MACROD1: variants seen among roughly 807,000 people sequenced by gnomAD.
MACROD1 encodes the protein ADP-ribose glycohydrolase MACROD1.
A neutral mutation model predicts 41.4 loss-of-function variants in MACROD1; 31 were observed. The observed-to-expected ratio is 0.75, with a 90% CI of 0.56 to 1.01. The LOEUF is 1.01. MACROD1 is among the 50% of genes least tolerant of loss of function. MACROD1 has a pLI of 0.00. For synonymous variants in MACROD1, 252 were observed against 203.4 expected, an observed-to-expected ratio of 1.24 and a Z score of -2.03; for missense variants, 473 against 460.0, an observed-to-expected ratio of 1.03 and a Z score of -0.26.
At chr11:64,048,189 A>G (rs1943621690) in intron 3 of MACROD1, among the ~76,000 whole-genome samples, 1 of 152,218 alleles carries the variant, frequency 6.6e-6, no homozygotes, top group Non-Finnish European at 1.5e-5. Flanking sequence ...TCAGACAGAC[A>G]GGGCTTGTGA....
At position 64,064,635 on chromosome 11, in the gene MACROD1, G is replaced by A. The variant is rs1230162946; in HGVS notation, c.518-49354C>T. Among the ~76,000 whole-genome samples, 9 of 151,144 alleles carry A rather than the reference G, an allele frequency of 6.0e-5. No individual in the cohort carries two copies. Reference sequence around the variant, plus strand: ...AATGTATCCTGACAGCATTGGAACAGGATGCAGAGTAGGGGCCTCTGGCAG... The same window carrying A: ...AATGTATCCTGACAGCATTGGAACAAGATGCAGAGTAGGGGCCTCTGGCAG... On this transcript the variant is annotated intron_variant, in intron 3 of 10. Coordinates refer to ENST00000255681, the MANE Select transcript of MACROD1 (RefSeq NM_014067.4). This position sits in a 1 kb window ranked among gnomAD's most constrained non-coding sequence, Gnocchi z 4.5.
chr11:64,000,315 GCCGGCGGC>G lies in MACROD1; in HGVS notation c.568_575del (p.Ala190ProfsTer14). 1 of 1,591,572 alleles carries G rather than the reference GCCGGCGGC, an allele frequency of 6.3e-7. No homozygotes were observed. The highest frequency in any genetic ancestry group is 8.5e-7 in the Non-Finnish European group (1 of 1,170,156). Reference sequence around the variant, plus strand: ...TCCGGCACTCGTCGGTAAGCAGGGGGCCGGCGGCCCGATGAATGCAGCCGTCCACTGCG... The same window carrying G: ...TCCGGCACTCGTCGGTAAGCAGGGGGCCGATGAATGCAGCCGTCCACTGCG... On this transcript the variant is annotated frameshift_variant, in exon 5 of 11. Transcript: ENST00000255681. LOFTEE classifies it high-confidence loss of function.
chr11:64,124,332 C>T (rs956173359), intron 3 of MACROD1, among the ~76,000 whole-genome samples: 5 of 152,226 alleles, frequency 3.3e-5, no homozygotes, highest in Non-Finnish European at 5.9e-5. Flanking sequence ...CAGTCCAACA[C>T]GCTCATGCTG....
chr11:64,149,172 C>T (rs1945538412), intron 3 of MACROD1: 3 of 267,084 alleles, frequency 1.1e-5, no homozygotes, highest in South Asian at 1.4e-4. Flanking sequence ...ATGCCCAGAA[C>T]GGCGCTGATG....
intron 1 of MACROD1, among the ~76,000 whole-genome samples, chr11:64,163,660 G>T (rs1945790254): frequency 6.6e-6 from 1 of 152,212 alleles, no homozygotes; most frequent in Non-Finnish European, 1.5e-5. Context: ...CCATCCTCCA[G>T]CCCTAACCAA....
rs369790680 is a variant in MACROD1 at position 64,006,852 on chromosome 11, C to T, written c.548-6509G>A. Among the ~76,000 whole-genome samples the T allele has an allele frequency of 1.2e-4, 19 of 152,272 alleles. No individual in the cohort carries two copies. The East Asian group carries it at 1.5e-3, about 12-fold the overall frequency. ...GACGCTAATGATGCCTCCCATAGGG[C>T]GGGGTGAGGGTGTATGAGATTCTTC... is the stretch of plus-strand genomic sequence containing the variant. On this transcript the variant is annotated intron_variant, in intron 4 of 10. Coordinates refer to ENST00000255681, the MANE Select transcript of MACROD1 (RefSeq NM_014067.4).
intron 3 of MACROD1, chr11:64,117,820 C>A (rs747209239): frequency 1.6e-5 from 26 of 1,614,092 alleles, no homozygotes; most frequent in Non-Finnish European, 2.0e-5. Context: ...GCCTACGTAG[C>A]TGATGAGACA....
intron 3 of MACROD1, among the ~76,000 whole-genome samples, chr11:64,144,789 G>A (rs1487817455): frequency 6.6e-6 from 1 of 152,244 alleles, no homozygotes; most frequent in Non-Finnish European, 1.5e-5. Context: ...TGTCGTGGTG[G>A]CCGGCAAGCC....
At chr11:64,072,728 A>C (rs761803900) in intron 3 of MACROD1, among the ~76,000 whole-genome samples, 2 of 152,172 alleles carry the variant, frequency 1.3e-5, no homozygotes, top group East Asian at 1.9e-4. Context: ...GTCTTAAAGC[A>C]CTAGAAATAC....
At chr11:64,071,177 C>T (rs1428827863) in intron 3 of MACROD1, among the ~76,000 whole-genome samples, 3 of 152,052 alleles carry the variant, frequency 2.0e-5, no homozygotes, top group Admixed American at 2.0e-4. Context: ...CCTCTAAGGC[C>T]CCTGGTTTCC....
At chr11:64,000,402 C>G in intron 4 of MACROD1, 59 bp from the exon 5 acceptor site, 1 of 1,157,648 alleles carries the variant, frequency 8.6e-7, no homozygotes, top group Non-Finnish European at 1.2e-6. Flanking sequence ...CCGGGGTGAG[C>G]ACCCTCAGTC....
intron 3 of MACROD1, among the ~76,000 whole-genome samples, chr11:64,051,879 G>T (rs1943701765): frequency 6.6e-6 from 1 of 151,900 alleles, no homozygotes; most frequent in South Asian, 2.1e-4. Context: ...CCCATCGTGG[G>T]GTCCTGCCTT....
At chr11:64,161,402 T>C (rs554496297) in intron 1 of MACROD1, among the ~76,000 whole-genome samples, 1 of 152,220 alleles carries the variant, frequency 6.6e-6, no homozygotes, top group African/African-American at 2.4e-5. Flanking sequence ...AGGCGACTTC[T>C]GGCGTGATGG....
At chr11:64,011,578 C>T (rs1043681560) in intron 4 of MACROD1, among the ~76,000 whole-genome samples, 2 of 151,956 alleles carry the variant, frequency 1.3e-5, no homozygotes, top group Non-Finnish European at 2.9e-5. Flanking sequence ...CATAACCCTG[C>T]CCTCGGGGGA....
At chr11:64,162,774 C>G (rs764382595) in intron 1 of MACROD1, among the ~76,000 whole-genome samples, 2 of 150,496 alleles carry the variant, frequency 1.3e-5, no homozygotes, top group Non-Finnish European at 3.0e-5. Context: ...AAGGTCGCGC[C>G]ACTGCACTCC....
chr11:64,090,599 C>T lies in MACROD1; in HGVS notation c.517+60640G>A, dbSNP rs536899005. On this transcript the variant is annotated intron_variant, in intron 3 of 10. Coordinates refer to ENST00000255681, the MANE Select transcript of MACROD1 (RefSeq NM_014067.4). This position sits in a 1 kb window ranked among gnomAD's most constrained non-coding sequence, Gnocchi z 4.7. ...TGAGGCAGGAAGTGGAGGCTGTGGC[C>T]AGCCATCGCCGCAGGAGGGGTCCCA... is the stretch of plus-strand genomic sequence containing the variant. 9.2e-5 allele frequency among the ~76,000 whole-genome samples: 14 copies of T among 152,312 alleles called. No individual in the cohort carries two copies. The highest frequency in any genetic ancestry group is 3.4e-4 in the African/African-American group (14 of 41,570).
intron 3 of MACROD1, among the ~76,000 whole-genome samples, chr11:64,018,462 G>A (rs753922560): frequency 3.3e-5 from 5 of 152,048 alleles, no homozygotes; most frequent in South Asian, 2.1e-4. Flanking sequence ...GGAATGGCCC[G>A]GAGGCTTGCA....
intron 3 of MACROD1, among the ~76,000 whole-genome samples, chr11:64,142,630 T>G (rs1030461865): frequency 6.6e-6 from 1 of 152,222 alleles, no homozygotes; most frequent in East Asian, 1.9e-4. Flanking sequence ...TATGAATTTA[T>G]GTAACCACTG....
At chr11:64,004,598 G>A (rs1942879805) in intron 4 of MACROD1, among the ~76,000 whole-genome samples, 1 of 152,094 alleles carries the variant, frequency 6.6e-6, no homozygotes, top group African/African-American at 2.4e-5. Context: ...ACCTGCTCCT[G>A]GTCTCTCTCT....
Sources: allele counts gnomAD v4.1 joint callset (sites outside exome capture counted in the v4.1 genomes callset), GRCh38; gene constraint gnomAD v4.1.1; non-coding constraint Gnocchi (gnomAD v3.1); transcripts MANE v1.5; gene names NCBI Gene and HGNC (gene_info 2026-07-23, HGNC 2026-07-21).